The following GAPVD1 variants were observed in gnomAD, a reference collection of about 807,000 sequenced individuals.
GAPVD1 encodes the protein GTPase-activating protein and VPS9 domain-containing protein 1.
GAPVD1 carries 35 observed loss-of-function variants against 155.5 expected under a neutral mutation model. The observed-to-expected ratio is 0.23, with a 90% confidence interval of 0.17 to 0.30. The LOEUF (loss-of-function observed/expected upper bound fraction) is 0.30, where lower values mean the gene tolerates loss of function less well. Ranked by LOEUF, GAPVD1 falls within the 10% of genes least tolerant of loss-of-function variation. GAPVD1 has a pLI of 1.00. For synonymous variants in GAPVD1, 636 were observed against 619.7 expected (o/e 1.03, Z -0.39); for missense variants, 1,429 against 1,775.7 (o/e 0.80, Z 3.51).
rs1846147502 is a variant in GAPVD1 at position 125,331,927 on chromosome 9, G to T, written c.2175G>T (p.Glu725Asp). The T allele has an allele frequency of 6.2e-7, 1 of 1,613,904 alleles. No homozygotes were observed. Among genetic ancestry groups the T allele is most frequent in the Non-Finnish European group, 8.5e-7 (1 of 1,179,854 alleles). The change falls in exon 14 of 28, where the codon GAG becomes GAT. Residue 725 changes from glutamate to aspartate, a missense_variant and splice_region_variant. By Grantham distance (45) the Glu-to-Asp change is conservative (BLOSUM62 2). Transcript: ENST00000297933. The stretch of plus-strand genomic sequence containing the variant: ...ACATACCTCTTATCTTCTATTTAGA[G>T]GCCCCAGACCTAAAGCAGGAGGAGC... ...WSVEVLPSDSEAPDLKQEERL... is the reference protein window; with the variant it reads ...WSVEVLPSDSDAPDLKQEERL...
At chr9:125,271,469 C>T (rs1042203906) in intron 2 of GAPVD1, among the ~76,000 whole-genome samples, 4 of 151,994 alleles carry the variant, frequency 2.6e-5, no homozygotes, top group African/African-American at 9.7e-5. Flanking sequence ...TTTCCTTTTT[C>T]CTAGGATCAG....
Position 125,337,547 on chromosome 9 carries a change from C to T in GAPVD1, c.2833C>T (p.His945Tyr). ...IGATSLVAAPHSSSSSPSKDS... is the reference protein window; with the variant it reads ...IGATSLVAAPYSSSSSPSKDS... ...TGCTACTTCTTTGGTGGCTGCACCT[C>T]ATTCATCATCTTCATCCCCGAGTAA... The change falls in exon 17 of 28, where the codon CAT becomes TAT. Residue 945 changes from histidine (H) to tyrosine (Y), a missense_variant. His to Tyr is a moderately conservative substitution (Grantham distance 83, BLOSUM62 2). Transcript: ENST00000297933. 6.2e-7 allele frequency: 1 copy of T among 1,614,004 alleles called. No individual in the cohort carries two copies. The highest frequency in any genetic ancestry group is 8.5e-7 in the Non-Finnish European group (1 of 1,179,878).
chr9:125,302,340 A>T lies in GAPVD1; in HGVS notation c.543A>T (p.Leu181Phe). Reference protein sequence around the residue: ...LRRGTCAFSILFKLFSEGLFS... With the variant: ...LRRGTCAFSIFFKLFSEGLFS... ...GAGGAACTTGTGCCTTCAGCATCTTATTTAAACTTTTTTCTGAAGGACTGT... is the reference window on the plus strand; with the variant it reads ...GAGGAACTTGTGCCTTCAGCATCTTTTTTAAACTTTTTTCTGAAGGACTGT... Residue 181 changes from leucine (L) to phenylalanine (F), a missense_variant, in exon 5 of 28, where the codon TTA becomes TTT. Leu to Phe is a conservative substitution (Grantham distance 22). Transcript: ENST00000297933. 1 of 1,614,108 alleles carries T rather than the reference A, an allele frequency of 6.2e-7. No individual in the cohort carries two copies. Among genetic ancestry groups the T allele is most frequent in the Non-Finnish European group, 8.5e-7 (1 of 1,179,964 alleles).
intron 9 of GAPVD1, among the ~76,000 whole-genome samples, chr9:125,314,339 A>G (rs1588885240): frequency 1.3e-5 from 2 of 152,256 alleles, no homozygotes; most frequent in Middle Eastern, 3.4e-3. Flanking sequence ...ATATATTTGT[A>G]ACAAAAAGCT....
intron 13 of GAPVD1, among the ~76,000 whole-genome samples, chr9:125,330,595 G>A (rs1214006539): frequency 2.0e-5 from 3 of 152,164 alleles, no homozygotes; most frequent in African/African-American, 7.2e-5. Context: ...GGAATTACAG[G>A]CATGAGCCAT....
intron 11 of GAPVD1, 94 bp from the exon 12 acceptor site, chr9:125,326,322 A>G: frequency 3.5e-6 from 3 of 869,354 alleles, no homozygotes; most frequent in Non-Finnish European, 5.4e-6. Context: ...GTTCGAGACC[A>G]GCCTGACCAA....
intron 2 of GAPVD1, among the ~76,000 whole-genome samples, chr9:125,282,265 G>A (rs1173100743): frequency 6.6e-6 from 1 of 152,114 alleles, no homozygotes; most frequent in African/African-American, 2.4e-5. Context: ...GCAACAGAGC[G>A]AGACTCCGTC....
At chr9:125,328,004 T>G (rs1276451323) in intron 12 of GAPVD1, among the ~76,000 whole-genome samples, 1 of 152,154 alleles carries the variant, frequency 6.6e-6, no homozygotes, top group Non-Finnish European at 1.5e-5. Context: ...ATGATATAGC[T>G]TTAAAAGGTA....
At chr9:125,275,979 A>G (rs990669657) in intron 2 of GAPVD1, among the ~76,000 whole-genome samples, 1 of 152,180 alleles carries the variant, frequency 6.6e-6, no homozygotes, top group East Asian at 1.9e-4. Flanking sequence ...AATGAGTTTA[A>G]TTATTTTTGT....
intron 2 of GAPVD1, among the ~76,000 whole-genome samples, chr9:125,288,898 A>C (rs974166506): frequency 6.6e-6 from 1 of 152,222 alleles, no homozygotes; most frequent in African/African-American, 2.4e-5. Flanking sequence ...TGTGTGGCAT[A>C]GTAGAGGCTG....
chr9:125,290,414 A>C (rs1344260238), intron 2 of GAPVD1, among the ~76,000 whole-genome samples: 1 of 152,180 alleles, frequency 6.6e-6, no homozygotes, highest in Non-Finnish European at 1.5e-5. Flanking sequence ...GGCAATGACC[A>C]GTAGAAAAGC....
At chr9:125,284,549 T>G (rs1196946857) in intron 2 of GAPVD1, among the ~76,000 whole-genome samples, 2 of 151,850 alleles carry the variant, frequency 1.3e-5, no homozygotes, top group Non-Finnish European at 2.9e-5. Flanking sequence ...TGGCCTCAAG[T>G]GATCCTCCCT....
At chr9:125,335,117 GA>G in intron 15 of GAPVD1, 2 of 701,984 alleles carry the variant, frequency 2.8e-6, no homozygotes, top group Non-Finnish European at 5.2e-6. Flanking sequence ...ACAATTTTCT[GA>G]AAAGGCTACT....
chr9:125,276,843 C>G (rs1424445966), intron 2 of GAPVD1, among the ~76,000 whole-genome samples: 2 of 152,152 alleles, frequency 1.3e-5, no homozygotes, highest in Non-Finnish European at 2.9e-5. Flanking sequence ...ACAGCAGCCT[C>G]AAACTCATGG....
chr9:125,332,643 A>T lies in GAPVD1; in HGVS notation c.2428+14A>T, dbSNP rs1199673602. ...AAATAACTCACGGTAAGAGGGGGAA[A>T]TGAGGATGACTTAAAAAATGACCAC... On this transcript the variant is annotated intron_variant, in intron 15 of 27. Transcript: ENST00000297933. 1 of 1,602,976 alleles carries T rather than the reference A, an allele frequency of 6.2e-7. No homozygotes were observed. The highest frequency in any genetic ancestry group is 2.2e-5 in the East Asian group (1 of 44,810).
At chr9:125,287,001 T>G (rs944692059) in intron 2 of GAPVD1, among the ~76,000 whole-genome samples, 1 of 152,056 alleles carries the variant, frequency 6.6e-6, no homozygotes, top group African/African-American at 2.4e-5. Flanking sequence ...GGACAATCGC[T>G]TGAACCCAGG....
chr9:125,294,968 A>G, intron 2 of GAPVD1, among the ~76,000 whole-genome samples: 1 of 151,928 alleles, frequency 6.6e-6, no homozygotes, highest in Non-Finnish European at 1.5e-5. Context: ...TGTTTAGATT[A>G]GTTGATTGAG....
chr9:125,324,044 A>T, intron 11 of GAPVD1, 121 bp downstream of exon 11: 1 of 757,038 alleles, frequency 1.3e-6, no homozygotes, highest in Non-Finnish European at 2.2e-6. Flanking sequence ...ATTAAACTTA[A>T]CATTTATTCA....
At chr9:125,347,677 G>A (rs1443030558) in intron 20 of GAPVD1, among the ~76,000 whole-genome samples, 1 of 151,290 alleles carries the variant, frequency 6.6e-6, no homozygotes, top group East Asian at 1.9e-4. Context: ...CTGAGATGAC[G>A]CTTACTGCAC....
Sources: allele counts gnomAD v4.1 joint callset (sites outside exome capture counted in the v4.1 genomes callset), GRCh38; gene constraint gnomAD v4.1.1; transcripts MANE v1.5; gene names NCBI Gene and HGNC (gene_info 2026-07-23, HGNC 2026-07-21).